The following DMXL2 variants were observed in gnomAD, a reference collection of about 807,000 sequenced individuals.
DMXL2 encodes Dmx like 2.
In DMXL2, 103 loss-of-function variants were observed where a neutral mutation model predicts 331.1. The ratio of observed to expected loss-of-function variants is 0.31; its 90% CI spans 0.27 to 0.37. The LOEUF is 0.37. DMXL2 is among the 10% of genes least tolerant of loss of function. DMXL2 has a pLI of 1.00. For synonymous variants in DMXL2, 1,281 were observed against 1,252.1 expected (o/e 1.02, Z -0.49); for missense variants, 3,171 against 3,642.9 (o/e 0.87, Z 3.33).
chr15:51,450,456 A>G (rs1389336674), intron 42 of DMXL2, 110 bp from the exon 43 acceptor site: 1 of 1,024,116 alleles, frequency 9.8e-7, no homozygotes, highest in African/African-American at 1.6e-5. Context: ...TTTTCATTCT[A>G]AGGTACATTT....
At chr15:51,492,712 C>A (rs749029857) in intron 19 of DMXL2, among the ~76,000 whole-genome samples, 20 of 152,110 alleles carry the variant, frequency 1.3e-4, no homozygotes, top group Non-Finnish European at 2.4e-4. Context: ...GGAATGCTGG[C>A]AAGAACTCTG....
intron 3 of DMXL2, 173 bp downstream of exon 3, chr15:51,568,314 T>G: frequency 1.9e-6 from 1 of 516,044 alleles, no homozygotes; most frequent in Non-Finnish European, 3.4e-6. Flanking sequence ...CTAAAAGCAC[T>G]AGGGATGTAT....
At chr15:51,620,781 G>A (rs2054575904) in intron 1 of DMXL2, among the ~76,000 whole-genome samples, 1 of 150,688 alleles carries the variant, frequency 6.6e-6, no homozygotes, top group Admixed American at 6.6e-5. Flanking sequence ...GGAAGTGCAA[G>A]AAGATTTGAA....
At position 51,517,318 on chromosome 15, in the gene DMXL2, T is replaced by C. The variant is rs1016312118; in HGVS notation, c.2437-151A>G. On this transcript the variant is annotated intron_variant, in intron 13 of 43. Transcript: ENST00000560891. ...TTCAAAGAAATACTTCAACTTTCCA[T>C]ACTCATTCTCATGTTAAGTCTAAAG... 9.9e-6 allele frequency: 6 copies of C among 606,200 alleles called. No individual in the cohort carries two copies. The South Asian group carries it at 1.1e-4, about 11-fold the overall frequency. The allele number at this position is 606,200 out of a possible 1,614,324, so 37.6% of individuals were successfully genotyped here.
At chr15:51,469,478 C>T (rs1272146193) in intron 29 of DMXL2, among the ~76,000 whole-genome samples, 1 of 152,034 alleles carries the variant, frequency 6.6e-6, no homozygotes, top group Non-Finnish European at 1.5e-5. Flanking sequence ...AGAAAAAAAA[C>T]TACATATACT....
At chr15:51,534,463 T>C (rs909158905) in intron 13 of DMXL2, among the ~76,000 whole-genome samples, 12 of 152,170 alleles carry the variant, frequency 7.9e-5, no homozygotes, top group African/African-American at 2.9e-4. Flanking sequence ...ACAAATAGCG[T>C]TTCAATATGA....
intron 6 of DMXL2, among the ~76,000 whole-genome samples, chr15:51,560,504 CAAAAAAAAA>C (rs66990182): frequency 1.9e-4 from 8 of 41,546 alleles, no homozygotes; most frequent in East Asian, 1.8e-3. Flanking sequence ...TTATTTCTAC[CAAAAAAAAA>C]AAAAAAAAAA....
rs2042251516 is a variant in DMXL2, at chr15:51,484,567, C to T, written c.5482+1506G>A. Among the ~76,000 whole-genome samples, 3 of 152,180 alleles carry T rather than the reference C, an allele frequency of 2.0e-5. No homozygotes were observed. The South Asian group carries it at 6.2e-4, about 32-fold the overall frequency. The stretch of plus-strand genomic sequence containing the variant: ...GACCTATTCATAGTAACAAGTCTTT[C>T]CCTATGAAACCTACTCCATAAAATT... On this transcript the variant is annotated intron_variant, in intron 23 of 43. Coordinates refer to ENST00000560891, the MANE Select transcript of DMXL2 (RefSeq NM_001378457.1).
At chr15:51,617,595 C>G (rs1017344895) in intron 1 of DMXL2, among the ~76,000 whole-genome samples, 4 of 152,184 alleles carry the variant, frequency 2.6e-5, no homozygotes, top group African/African-American at 9.7e-5. Flanking sequence ...GACTCCAGAC[C>G]TACAACTTCA....
chr15:51,488,511 ATTCTG>A (rs776526936), intron 21 of DMXL2, 32 bp downstream of exon 21: 1 of 1,532,220 alleles, frequency 6.5e-7, no homozygotes, highest in South Asian at 1.2e-5. Flanking sequence ...CACAATCTTC[ATTCTG>A]TTGAATCACG....
At chr15:51,468,407 TG>T (rs1329919362) in intron 29 of DMXL2, among the ~76,000 whole-genome samples, 3 of 152,188 alleles carry the variant, frequency 2.0e-5, no homozygotes, top group Non-Finnish European at 2.9e-5. Context: ...ATGGATAATC[TG>T]AGTCCCCATG....
intron 43 of DMXL2, 59 bp downstream of exon 43, chr15:51,450,070 T>G: frequency 6.8e-7 from 1 of 1,468,144 alleles, no homozygotes; most frequent in East Asian, 2.3e-5. Flanking sequence ...ATGTGGAGTT[T>G]TTGTTTTTTC....
chr15:51,548,036 G>A (rs547630075), intron 6 of DMXL2, among the ~76,000 whole-genome samples: 15 of 152,186 alleles, frequency 9.9e-5, no homozygotes, highest in African/African-American at 3.1e-4. Flanking sequence ...AAGAATGCAT[G>A]GAGGTAGCTG....
intron 16 of DMXL2, among the ~76,000 whole-genome samples, chr15:51,503,600 T>C (rs1345832977): frequency 1.3e-5 from 2 of 152,116 alleles, no homozygotes; most frequent in Non-Finnish European, 2.9e-5. Context: ...GAAGAGACTC[T>C]TTAATAGGTA....
intron 4 of DMXL2, among the ~76,000 whole-genome samples, chr15:51,564,736 G>A (rs917837662): frequency 3.3e-5 from 5 of 152,028 alleles, no homozygotes; most frequent in African/African-American, 4.8e-5. Flanking sequence ...ATTAAAGATA[G>A]TAATTTCCTG....
intron 18 of DMXL2, among the ~76,000 whole-genome samples, chr15:51,495,970 T>C (rs906367405): frequency 6.6e-6 from 1 of 152,060 alleles, no homozygotes; most frequent in South Asian, 2.1e-4. Context: ...TGCAAAAGTA[T>C]TTACAGTTTT....
intron 1 of DMXL2, among the ~76,000 whole-genome samples, chr15:51,597,335 A>G (rs2052897047): frequency 6.6e-6 from 1 of 151,908 alleles, no homozygotes; most frequent in Non-Finnish European, 1.5e-5. Flanking sequence ...TCACCCCCTT[A>G]TTTTTCTTTG....
intron 1 of DMXL2, among the ~76,000 whole-genome samples, chr15:51,581,203 T>A (rs1280159467): frequency 6.6e-6 from 1 of 152,138 alleles, no homozygotes; most frequent in Admixed American, 6.5e-5. Flanking sequence ...TAGATTCTCA[T>A]AGGAACTCAA....
At position 51,488,701 on chromosome 15, in the gene DMXL2, T is replaced by C. The variant is rs970963032; in HGVS notation, c.4954-56A>G. On this transcript the variant is annotated intron_variant, in intron 20 of 43. Transcript: ENST00000560891. The stretch of plus-strand genomic sequence containing the variant: ...ATTTGACATAAGAATTACAATCAAT[T>C]AATCAACAATAATGTTCCCCTGCTA... The C allele has an allele frequency of 5.7e-6, 8 of 1,408,586 alleles. No individual in the cohort carries two copies. The Admixed American group carries it at 1.5e-4, about 26-fold the overall frequency. 87.3% of individuals were successfully genotyped at this position (1,408,586 alleles called of 1,614,324 possible). A position where few individuals can be genotyped will look rare whatever the true frequency, so the allele number is the denominator to read the frequency against.
Sources: gnomAD v4.1 joint callset for allele counts (sites outside exome capture counted in the v4.1 genomes callset) on GRCh38, gnomAD v4.1.1 for gene constraint, MANE v1.5 for transcripts, NCBI Gene and HGNC (gene_info 2026-07-23, HGNC 2026-07-21) for gene names.